Variants in MAD1L1 observed in about 807,000 individuals in gnomAD.
MAD1L1 encodes the protein mitotic arrest deficient 1 like 1.
Under a neutral mutation model 96.9 loss-of-function variants are expected in MAD1L1, and 95 were observed. The observed-to-expected ratio is 0.98, with a 90% CI of 0.83 to 1.16. The LOEUF (loss-of-function observed/expected upper bound fraction) is 1.16. MAD1L1 is among the 50% of genes most tolerant of loss of function. The pLI, the probability that MAD1L1 is intolerant of heterozygous loss-of-function variation, is 0.00. For synonymous variants in MAD1L1, 473 were observed against 396.6 expected, an observed-to-expected ratio of 1.19 and a Z score of -2.29; for missense variants, 1,007 against 954.4, an observed-to-expected ratio of 1.06 and a Z score of -0.73.
chr7:1,939,893 G>A (rs1778862242), intron 16 of MAD1L1, among the ~76,000 whole-genome samples: 1 of 152,252 alleles, frequency 6.6e-6, no homozygotes, highest in Admixed American at 6.5e-5. Context: ...TCAGCCATGG[G>A]CAATCGTGGT....
At chr7:1,885,456 G>A (rs1315444740) in intron 18 of MAD1L1, among the ~76,000 whole-genome samples, 1 of 150,194 alleles carries the variant, frequency 6.7e-6, no homozygotes, top group Non-Finnish European at 1.5e-5. Context: ...CACTCAGACA[G>A]GAGAGAAGTC....
rs915981706 is a variant in MAD1L1, at chr7:2,142,892, C to T, written c.1073+6260G>A. Reference sequence around the variant, plus strand: ...GTGCTCTCTCACCCACACTGATCCACGGCAAATTCCGTCACCTTGACCTCC... The same window carrying T: ...GTGCTCTCTCACCCACACTGATCCATGGCAAATTCCGTCACCTTGACCTCC... On this transcript the variant is annotated intron_variant, in intron 11 of 18. Coordinates refer to ENST00000265854, the MANE Select transcript of MAD1L1 (RefSeq NM_001013836.2). The surrounding 1 kb of genome is among the most constrained non-coding windows in gnomAD (Gnocchi z 4.7). Among the ~76,000 whole-genome samples, 4 of 152,302 alleles carry T rather than the reference C, an allele frequency of 2.6e-5. No individual in the cohort carries two copies. The highest frequency in any genetic ancestry group is 2.1e-4 in the South Asian group (1 of 4,830).
chr7:2,219,476 G>C lies in MAD1L1; in HGVS notation c.472-20C>G, dbSNP rs374119336. 142 of 1,611,856 alleles carry C rather than the reference G, an allele frequency of 8.8e-5. 1 individual carries two copies. The highest frequency in any genetic ancestry group is 1.6e-4 in the Middle Eastern group (1 of 6,062). On this transcript the variant is annotated intron_variant, in intron 5 of 18. Coordinates refer to ENST00000265854, the MANE Select transcript of MAD1L1 (RefSeq NM_001013836.2). ...GATGGTCTAAAAGTAGAGGGGACCA[G>C]AGAGCCGCTCAGTGAGTGGAGCCCG... is the stretch of plus-strand genomic sequence containing the variant.
intron 10 of MAD1L1, among the ~76,000 whole-genome samples, chr7:2,205,260 A>G (rs1792541051): frequency 6.6e-6 from 1 of 152,130 alleles, no homozygotes; most frequent in African/African-American, 2.4e-5. Context: ...AGGCACGGGT[A>G]AACCATGACC....
intron 1 of MAD1L1, among the ~76,000 whole-genome samples, chr7:2,230,979 T>C (rs982709629): frequency 6.6e-6 from 1 of 152,196 alleles, no homozygotes; most frequent in South Asian, 2.1e-4. Flanking sequence ...ATCCAGTCAG[T>C]TGATGCCTGA....
At chr7:1,978,645 A>G (rs1583978558) in intron 15 of MAD1L1, among the ~76,000 whole-genome samples, 1 of 148,966 alleles carries the variant, frequency 6.7e-6, no homozygotes, top group Non-Finnish European at 1.5e-5. Flanking sequence ...CCCCAACCCC[A>G]TCAACCCGAA....
chr7:2,207,229 G>A (rs57007970), intron 10 of MAD1L1, among the ~76,000 whole-genome samples: 42,154 of 151,984 alleles, frequency 0.28, 7,174 homozygotes, highest in East Asian at 0.51. Context: ...GTACCTTTAC[G>A]ATACTCTGAA....
At position 2,124,769 on chromosome 7, in the gene MAD1L1, T is replaced by C. The variant is rs558647799; in HGVS notation, c.1073+24383A>G. Among the ~76,000 whole-genome samples the C allele has an allele frequency of 9.9e-5, 15 of 151,990 alleles. No homozygotes were observed. The South Asian group carries it at 3.1e-3, about 32-fold the overall frequency. On this transcript the variant is annotated intron_variant, in intron 11 of 18. Transcript: ENST00000265854. Reference sequence around the variant, plus strand: ...ATTCCACCTGGGTGCCCGGCGCTTGTGGGAGAAACTCTGAATTCAGGAGCC... The same window carrying C: ...ATTCCACCTGGGTGCCCGGCGCTTGCGGGAGAAACTCTGAATTCAGGAGCC...
At chr7:2,094,917 A>G (rs1232428187) in intron 11 of MAD1L1, among the ~76,000 whole-genome samples, 1 of 152,188 alleles carries the variant, frequency 6.6e-6, no homozygotes, top group Admixed American at 6.5e-5. Flanking sequence ...GGTGATGGTG[A>G]TGCCGTGTTC....
intron 11 of MAD1L1, among the ~76,000 whole-genome samples, chr7:2,113,277 G>A (rs1562699258): frequency 1.3e-5 from 2 of 152,214 alleles, no homozygotes; most frequent in East Asian, 1.9e-4. Context: ...ACTAGGAGGA[G>A]AAGTTTTTGT....
chr7:2,137,835 A>G (rs1788826916), intron 11 of MAD1L1, among the ~76,000 whole-genome samples: 1 of 152,196 alleles, frequency 6.6e-6, no homozygotes, highest in Non-Finnish European at 1.5e-5. Flanking sequence ...AAAGAGGGGA[A>G]GCCAAGCAGG....
rs141888467 is a variant in MAD1L1 at position 1,891,872 on chromosome 7, T to C, written c.1998+6328A>G. ...TTAGGATTATAGGCACAGGCCACTG[T>C]GCCCAGCCATTCATTTATTATTGAA... On this transcript the variant is annotated intron_variant, in intron 18 of 18. Transcript: ENST00000265854. Among the ~76,000 whole-genome samples the C allele has an allele frequency of 3.0e-3, 463 of 152,366 alleles. 3 individuals are homozygous for C. The highest frequency in any genetic ancestry group is 0.01 in the African/African-American group (433 of 41,584).
intron 12 of MAD1L1, among the ~76,000 whole-genome samples, chr7:2,051,365 G>A (rs917876532): frequency 6.6e-6 from 1 of 152,178 alleles, no homozygotes; most frequent in African/African-American, 2.4e-5. Context: ...GACACTCCAG[G>A]TTTCTCGTCC....
chr7:1,817,997 CCT>C (rs777845612), intron 18 of MAD1L1, among the ~76,000 whole-genome samples: 38 of 151,452 alleles, frequency 2.5e-4, no homozygotes, highest in African/African-American at 5.6e-4. Flanking sequence ...CTGCCCTCCC[CCT>C]GTTTCTGCTG....
At chr7:1,941,696 C>T (rs886524141) in intron 16 of MAD1L1, among the ~76,000 whole-genome samples, 9 of 152,348 alleles carry the variant, frequency 5.9e-5, no homozygotes, top group African/African-American at 1.7e-4. Context: ...TCCCGTGGCC[C>T]GGCTTCCACC....
chr7:2,010,207 C>T (rs1027827929), intron 13 of MAD1L1, among the ~76,000 whole-genome samples: 8 of 150,400 alleles, frequency 5.3e-5, no homozygotes, highest in African/African-American at 1.7e-4. Context: ...CCCTGAAGAT[C>T]AGGCTCTCCC....
chr7:2,120,507 G>T (rs534387127), intron 11 of MAD1L1, among the ~76,000 whole-genome samples: 1 of 152,326 alleles, frequency 6.6e-6, no homozygotes, highest in East Asian at 1.9e-4. Context: ...GGAGGCACTC[G>T]CAGTGCAGGA....
At chr7:1,865,876 A>AG in intron 18 of MAD1L1, among the ~76,000 whole-genome samples, 1 of 152,342 alleles carries the variant, frequency 6.6e-6, no homozygotes, top group Admixed American at 6.5e-5. Context: ...TCCACGAGCC[A>AG]GATGACAGCC....
At chr7:2,092,154 C>G in intron 11 of MAD1L1, among the ~76,000 whole-genome samples, 1 of 152,294 alleles carries the variant, frequency 6.6e-6, no homozygotes, top group African/African-American at 2.4e-5. Flanking sequence ...CATTTAGTGC[C>G]GTCAGTGATC....
Sources: gnomAD v4.1 joint callset for allele counts (sites outside exome capture counted in the v4.1 genomes callset) on GRCh38, gnomAD v4.1.1 for gene constraint, Gnocchi (gnomAD v3.1) non-coding constraint, MANE v1.5 for transcripts, NCBI Gene and HGNC (gene_info 2026-07-23, HGNC 2026-07-21) for gene names.